Variants in EYA4 observed in about 807,000 individuals in gnomAD.
EYA4 encodes protein phosphatase EYA4.
A neutral mutation model predicts 87.9 loss-of-function variants in EYA4; 31 were observed. The observed-to-expected ratio is 0.35, with a 90% CI of 0.27 to 0.48. EYA4 has a LOEUF of 0.48. Ranked by LOEUF, EYA4 falls within the 20% of genes least tolerant of loss-of-function variation. EYA4 has a pLI of 0.99. For synonymous variants in EYA4, 263 were observed against 270.6 expected, an observed-to-expected ratio of 0.97 and a Z score of 0.28; for missense variants, 678 against 761.4, an observed-to-expected ratio of 0.89 and a Z score of 1.29.
chr6:133,443,004 G>T (rs1338557947), intron 3 of EYA4, among the ~76,000 whole-genome samples: 2 of 151,690 alleles, frequency 1.3e-5, no homozygotes. Flanking sequence ...TTTTTCTATT[G>T]CTGGGTTTGA....
rs535820414 is a variant in EYA4 at position 133,531,854 on chromosome 6, C to T, written c.*3049C>T. On this transcript the variant is annotated 3_prime_UTR_variant, in exon 20 of 20. Coordinates refer to ENST00000355286, the MANE Select transcript of EYA4 (RefSeq NM_004100.5). ...TAAAGCACATTTGTTTATGACAAGC[C>T]TACATTCTCAGTGAATATGGCATTT... 4 of 152,240 alleles carry T rather than the reference C, an allele frequency of 2.6e-5. No homozygotes were observed. The highest frequency in any genetic ancestry group is 6.8e-3 in the Middle Eastern group (2 of 294). The allele number at this position is 152,240 out of a possible 1,614,324, so 9.4% of individuals were successfully genotyped here.
chr6:133,367,382 A>C (rs1168675155), intron 2 of EYA4, among the ~76,000 whole-genome samples: 2 of 152,210 alleles, frequency 1.3e-5, no homozygotes, highest in Non-Finnish European at 2.9e-5. Context: ...AAACTGCAGT[A>C]ATTAATTTAT....
intron 2 of EYA4, among the ~76,000 whole-genome samples, chr6:133,303,012 T>G (rs1251470682): frequency 6.6e-6 from 1 of 152,266 alleles, no homozygotes; most frequent in African/African-American, 2.4e-5. Flanking sequence ...ACAGCCAATA[T>G]GTTAATGAAT....
In EYA4 at chr6:133,274,806, A is replaced by C. The variant is rs1191543342; in HGVS notation, c.26A>C (p.Glu9Ala). MEDSQDLN[E>A]QSVKKTCTES... Reference sequence around the variant, plus strand: ...ATGGAAGACTCCCAGGATTTAAATGAACAATCAGTAAGTCTTCATTCTCAG... The same window carrying C: ...ATGGAAGACTCCCAGGATTTAAATGCACAATCAGTAAGTCTTCATTCTCAG... The change falls in exon 2 of 20, where the codon GAA (glutamate) becomes GCA (alanine). Residue 9 changes from glutamate (E) to alanine (A), a missense_variant. Glu to Ala is a moderately radical substitution (Grantham distance 107). Coordinates refer to ENST00000355286, the MANE Select transcript of EYA4 (RefSeq NM_004100.5). 6.2e-7 allele frequency: 1 copy of C among 1,613,716 alleles called. No homozygotes were observed. The highest frequency in any genetic ancestry group is 2.2e-5 in the East Asian group (1 of 44,812).
At chr6:133,305,740 A>C (rs1441967746) in intron 2 of EYA4, among the ~76,000 whole-genome samples, 1 of 152,142 alleles carries the variant, frequency 6.6e-6, no homozygotes, top group African/African-American at 2.4e-5. Flanking sequence ...ACCAAGATCT[A>C]TGCTACATGT....
intron 14 of EYA4, among the ~76,000 whole-genome samples, chr6:133,509,419 G>A (rs896323185): frequency 4.1e-5 from 6 of 146,854 alleles, no homozygotes; most frequent in South Asian, 2.2e-4. Context: ...AAAAAAAACC[G>A]AACCATCTAA....
chr6:133,392,892 T>A (rs149892272), intron 3 of EYA4, among the ~76,000 whole-genome samples: 2 of 152,302 alleles, frequency 1.3e-5, no homozygotes, highest in South Asian at 4.1e-4. Context: ...TCTTTGTGGT[T>A]AACAGTACAA....
intron 1 of EYA4, among the ~76,000 whole-genome samples, chr6:133,269,104 C>A (rs1776471563): frequency 6.6e-6 from 1 of 152,062 alleles, no homozygotes; most frequent in Non-Finnish European, 1.5e-5. Context: ...ACTAAAAATG[C>A]AAAAATTAGC....
intron 3 of EYA4, among the ~76,000 whole-genome samples, chr6:133,407,480 A>AT (rs1396523887): frequency 6.6e-6 from 1 of 151,886 alleles, no homozygotes; most frequent in Non-Finnish European, 1.5e-5. Flanking sequence ...GAGCCTTCAG[A>AT]TTTTTCCCCA....
At position 133,506,203 on chromosome 6, in the gene EYA4, T is replaced by A. The variant is rs1798605196; in HGVS notation, c.1281+8T>A. On this transcript the variant is annotated splice_region_variant and intron_variant, in intron 14 of 19. Coordinates refer to ENST00000355286, the MANE Select transcript of EYA4 (RefSeq NM_004100.5). ...TTTTTTAATGATTTAGAGGTAAGAATTTTACAAGGTACAAATAGTTGTATC... is the reference window on the plus strand; with the variant it reads ...TTTTTTAATGATTTAGAGGTAAGAAATTTACAAGGTACAAATAGTTGTATC... The A allele has an allele frequency of 1.3e-6, 2 of 1,487,530 alleles. No homozygotes were observed. The highest frequency in any genetic ancestry group is 3.3e-5 in the Admixed American group (2 of 59,708). The allele number at this position is 1,487,530 out of a possible 1,614,324, so 92.1% of individuals were successfully genotyped here. A position where few individuals can be genotyped will look rare whatever the true frequency, so the allele number is the denominator to read the frequency against.
intron 2 of EYA4, among the ~76,000 whole-genome samples, chr6:133,309,099 G>A (rs1780024601): frequency 6.6e-6 from 1 of 151,914 alleles, no homozygotes. Flanking sequence ...ACACAGAAAA[G>A]CACTTGAAAT....
chr6:133,352,669 G>T (rs1209917431), intron 2 of EYA4, among the ~76,000 whole-genome samples: 1 of 152,018 alleles, frequency 6.6e-6, no homozygotes, highest in East Asian at 1.9e-4. Context: ...GCATTAAAAA[G>T]AAAATAATTG....
At chr6:133,294,366 T>G (rs1240815226) in intron 2 of EYA4, among the ~76,000 whole-genome samples, 6 of 149,264 alleles carry the variant, frequency 4.0e-5, no homozygotes, top group African/African-American at 1.5e-4. Flanking sequence ...TTTGTTTTTG[T>G]TTTTTTTGTT....
intron 2 of EYA4, among the ~76,000 whole-genome samples, chr6:133,331,889 C>G (rs1781989090): frequency 6.6e-6 from 1 of 152,196 alleles, no homozygotes; most frequent in Non-Finnish European, 1.5e-5. Context: ...AATGCAGTCA[C>G]ATTTTGGTAT....
chr6:133,292,256 G>T (rs891587742), intron 2 of EYA4, among the ~76,000 whole-genome samples: 9 of 152,212 alleles, frequency 5.9e-5, no homozygotes, highest in African/African-American at 2.2e-4. Context: ...ATAATTTCAG[G>T]TTATGCATAC....
At chr6:133,285,428 G>T (rs1777976111) in intron 2 of EYA4, among the ~76,000 whole-genome samples, 1 of 152,186 alleles carries the variant, frequency 6.6e-6, no homozygotes, top group African/African-American at 2.4e-5. Flanking sequence ...GGAATAGAAA[G>T]GATGTCAGCG....
chr6:133,368,286 C>T lies in EYA4; in HGVS notation c.34-14106C>T, dbSNP rs60877299. ...CACACTTTGTTTGTTGTTCCTACCT[C>T]GCCCCGCTTTAAGATTAGGGAAGAA... On this transcript the variant is annotated intron_variant, in intron 2 of 19. Coordinates refer to ENST00000355286, the MANE Select transcript of EYA4 (RefSeq NM_004100.5). 2.0e-3 allele frequency among the ~76,000 whole-genome samples: 303 copies of T among 152,286 alleles called. 3 individuals are homozygous for T. In the East Asian group the frequency reaches 0.031, roughly 15 times the overall value.
chr6:133,439,953 A>G (rs938168076), intron 3 of EYA4, among the ~76,000 whole-genome samples: 2 of 152,326 alleles, frequency 1.3e-5, no homozygotes, highest in African/African-American at 4.8e-5. Flanking sequence ...TTTCTTTTGA[A>G]TGTGCAGGGT....
chr6:133,255,755 T>C (rs896008490), intron 1 of EYA4, among the ~76,000 whole-genome samples: 2 of 152,124 alleles, frequency 1.3e-5, no homozygotes, highest in East Asian at 1.9e-4. Context: ...TCAGTACATA[T>C]AGTTTTGGGT....
Sources: gnomAD v4.1 joint callset for allele counts (sites outside exome capture counted in the v4.1 genomes callset) on GRCh38, gnomAD v4.1.1 for gene constraint, MANE v1.5 for transcripts, NCBI Gene and HGNC (gene_info 2026-07-23, HGNC 2026-07-21) for gene names.